The following MAGI2 variants were observed in gnomAD, a reference collection of about 807,000 sequenced individuals.
The protein encoded by MAGI2 is membrane associated guanylate kinase, WW and PDZ domain containing 2.
In MAGI2, 35 loss-of-function variants were observed where a neutral mutation model predicts 133.3. The ratio of observed to expected loss-of-function variants is 0.26; its 90% CI spans 0.20 to 0.35. The LOEUF is 0.35. Among genes scored for constraint, MAGI2 ranks in the 10% least tolerant of loss-of-function variants. The probability of loss-of-function intolerance (pLI) is 1.00; values close to 1 mark genes in which losing one functional copy is unlikely to be tolerated. For missense variants in MAGI2, 1,636 were observed against 1,863.4 expected (o/e 0.88, Z 2.25); for synonymous variants, 729 against 710.6 (o/e 1.03, Z -0.41).
At chr7:78,674,316 CA>C (rs1814746083) in intron 2 of MAGI2, among the ~76,000 whole-genome samples, 1 of 151,268 alleles carries the variant, frequency 6.6e-6, no homozygotes, top group Non-Finnish European at 1.5e-5. Flanking sequence ...GATTCTAAAT[CA>C]GAAGAAAACA....
chr7:79,008,817 A>C (rs1250360793), intron 1 of MAGI2: 1 of 152,130 alleles, frequency 6.6e-6, no homozygotes, highest in Non-Finnish European at 1.5e-5. Flanking sequence ...TGCTGGCACC[A>C]CACTAAAATA....
intron 1 of MAGI2, chr7:79,452,800 G>T: frequency 1.8e-6 from 1 of 564,382 alleles, no homozygotes; most frequent in Non-Finnish European, 3.1e-6. Flanking sequence ...GTCTAACTGA[G>T]CAAACAAAGT....
chr7:78,835,295 T>C (rs1791517466), intron 2 of MAGI2, among the ~76,000 whole-genome samples: 1 of 152,208 alleles, frequency 6.6e-6, no homozygotes, highest in Non-Finnish European at 1.5e-5. Context: ...AGTGGTGTCT[T>C]GTGGTTTCTT....
At chr7:78,538,258 T>C (rs564915895) in intron 3 of MAGI2, among the ~76,000 whole-genome samples, 5 of 152,336 alleles carry the variant, frequency 3.3e-5, no homozygotes, top group African/African-American at 1.2e-4. Flanking sequence ...GGTTGGGTAA[T>C]GTGATGCCTC....
chr7:79,236,824 CACTTAAA>C (rs1314577526), intron 1 of MAGI2, among the ~76,000 whole-genome samples: 1 of 152,138 alleles, frequency 6.6e-6, no homozygotes, highest in African/African-American at 2.4e-5. Flanking sequence ...GTGTAAAGTG[CACTTAAA>C]ACTTAAATAG....
At chr7:78,541,403 A>T (rs1798405850) in intron 3 of MAGI2, among the ~76,000 whole-genome samples, 4 of 152,216 alleles carry the variant, frequency 2.6e-5, no homozygotes, top group Admixed American at 2.6e-4. Context: ...ATTTATCATT[A>T]AGCTTTGTTT....
At chr7:79,323,957 C>T (rs1839399339) in intron 1 of MAGI2, among the ~76,000 whole-genome samples, 1 of 152,110 alleles carries the variant, frequency 6.6e-6, no homozygotes, top group Middle Eastern at 3.2e-3. Flanking sequence ...GGCATCTAGC[C>T]TCCTGGGGAT....
intron 10 of MAGI2, among the ~76,000 whole-genome samples, chr7:78,229,129 G>T (rs1234686815): frequency 6.6e-6 from 1 of 152,240 alleles, no homozygotes; most frequent in Non-Finnish European, 1.5e-5. Flanking sequence ...AAACTCAAAA[G>T]AAATGGATGA....
chr7:79,088,766 A>C (rs545331986), intron 1 of MAGI2, among the ~76,000 whole-genome samples: 1 of 152,162 alleles, frequency 6.6e-6, no homozygotes, highest in Admixed American at 6.6e-5. Context: ...TATTGAGATA[A>C]TCATGTGTTT....
chr7:78,859,139 A>G (rs1793931247), intron 2 of MAGI2, among the ~76,000 whole-genome samples: 1 of 151,944 alleles, frequency 6.6e-6, no homozygotes, highest in Admixed American at 6.6e-5. Context: ...GTGTCTCTGC[A>G]CGTGAGATGG....
intron 1 of MAGI2, among the ~76,000 whole-genome samples, chr7:79,331,995 T>C (rs1284441890): frequency 6.6e-6 from 1 of 152,042 alleles, no homozygotes; most frequent in Non-Finnish European, 1.5e-5. Flanking sequence ...AAATTGGTCA[T>C]CTAGTAACAA....
At chr7:78,138,570 G>A (rs1275307331) in intron 16 of MAGI2, among the ~76,000 whole-genome samples, 1 of 150,124 alleles carries the variant, frequency 6.7e-6, no homozygotes, top group African/African-American at 2.5e-5. Flanking sequence ...CTCTATTACT[G>A]TAGATCATTT....
At chr7:78,651,322 G>A (rs1036422014) in intron 2 of MAGI2, among the ~76,000 whole-genome samples, 1 of 149,726 alleles carries the variant, frequency 6.7e-6, no homozygotes, top group African/African-American at 2.5e-5. Context: ...CTTTGTGCTT[G>A]TCTTACTTGG....
intron 2 of MAGI2, among the ~76,000 whole-genome samples, chr7:78,664,351 A>G (rs1013384407): frequency 1.3e-5 from 2 of 152,018 alleles, no homozygotes; most frequent in Admixed American, 6.6e-5. Context: ...CTTTGGCTAT[A>G]TATTTTACGG....
intron 2 of MAGI2, among the ~76,000 whole-genome samples, chr7:78,900,348 A>G (rs954964807): frequency 7.9e-5 from 12 of 152,022 alleles, no homozygotes; most frequent in African/African-American, 2.2e-4. Flanking sequence ...TATCACCTTT[A>G]TTCAAAGTCT....
intron 3 of MAGI2, among the ~76,000 whole-genome samples, chr7:78,538,108 A>T (rs762681047): frequency 1.3e-5 from 2 of 151,862 alleles, no homozygotes; most frequent in African/African-American, 2.4e-5. Context: ...GTATGTTTTC[A>T]TTTGCTTTGT....
chr7:78,038,433 T>C (rs980258807), intron 21 of MAGI2, among the ~76,000 whole-genome samples: 3 of 152,308 alleles, frequency 2.0e-5, no homozygotes, highest in Admixed American at 2.0e-4. Flanking sequence ...TTTATTGTAG[T>C]ATTGTATTGT....
intron 2 of MAGI2, among the ~76,000 whole-genome samples, chr7:78,924,337 T>C (rs1258153816): frequency 6.6e-6 from 1 of 152,168 alleles, no homozygotes; most frequent in Non-Finnish European, 1.5e-5. Context: ...GGGTTTCTCA[T>C]AGATAGCTCT....
intron 1 of MAGI2, among the ~76,000 whole-genome samples, chr7:79,291,256 T>A (rs1836459918): frequency 6.6e-6 from 1 of 152,182 alleles, no homozygotes; most frequent in Non-Finnish European, 1.5e-5. Flanking sequence ...TTCATTCCTT[T>A]ATATGGATGA....
Sources: gnomAD v4.1 joint callset for allele counts (sites outside exome capture counted in the v4.1 genomes callset) on GRCh38, gnomAD v4.1.1 for gene constraint, MANE v1.5 for transcripts, NCBI Gene and HGNC (gene_info 2026-07-23, HGNC 2026-07-21) for gene names.